Variants in PNPT1 observed in about 807,000 individuals in gnomAD.
PNPT1 encodes polyribonucleotide nucleotidyltransferase 1, mitochondrial.
In PNPT1, 53 loss-of-function variants were observed where a neutral mutation model predicts 119.5. The ratio of observed to expected loss-of-function variants is 0.44; its 90% CI spans 0.36 to 0.56. The LOEUF (loss-of-function observed/expected upper bound fraction) is 0.56. Ranked by LOEUF, PNPT1 falls within the 20% of genes least tolerant of loss-of-function variation. The pLI is 0.00. For synonymous variants in PNPT1, 357 were observed against 322.1 expected (o/e 1.11, Z -1.16); for missense variants, 948 against 938.5 (o/e 1.01, Z -0.13).
At chr2:55,639,326 A>G (rs1695772998) in intron 26 of PNPT1, among the ~76,000 whole-genome samples, 1 of 152,180 alleles carries the variant, frequency 6.6e-6, no homozygotes, top group Admixed American at 6.5e-5. Flanking sequence ...CAAATCATGA[A>G]TTCATCTACT....
At position 55,687,673 on chromosome 2, in the gene PNPT1, C is replaced by A. The variant is rs1381025165; in HGVS notation, c.194G>T (p.Arg65Ile). 1 of 1,600,242 alleles carries A rather than the reference C, an allele frequency of 6.2e-7. No individual in the cohort carries two copies. The highest frequency in any genetic ancestry group is 8.5e-7 in the Non-Finnish European group (1 of 1,175,616). Residue 65 changes from arginine (R) to isoleucine (I), a missense_variant, in exon 2 of 28, where the codon AGA becomes ATA. Transcript: ENST00000447944. Reference protein sequence around the residue: ...KLEISSGKLARFADGSAVVQS... With the variant: ...KLEISSGKLAIFADGSAVVQS... ...TACTACAGCAGAGCCATCTGCAAAT[C>A]TGGCCAGCTTTCCAGAAGATATTTC...
At chr2:55,657,267 T>G (rs1696414901) in intron 15 of PNPT1, among the ~76,000 whole-genome samples, 1 of 151,686 alleles carries the variant, frequency 6.6e-6, no homozygotes. Context: ...AGGTGGAGGT[T>G]GCAGTAAGCC....
intron 15 of PNPT1, among the ~76,000 whole-genome samples, chr2:55,658,293 T>G (rs1402983863): frequency 6.6e-6 from 1 of 151,924 alleles, no homozygotes; most frequent in Non-Finnish European, 1.5e-5. Flanking sequence ...AAAACTAAAC[T>G]ATAGTATCTA....
At chr2:55,678,172 G>A (rs920205242) in intron 8 of PNPT1, among the ~76,000 whole-genome samples, 3 of 152,082 alleles carry the variant, frequency 2.0e-5, no homozygotes, top group Non-Finnish European at 2.9e-5. Context: ...TACTAACAGC[G>A]AATAAACAAA....
chr2:55,663,581 C>A (rs1696646821), intron 13 of PNPT1, among the ~76,000 whole-genome samples: 1 of 151,908 alleles, frequency 6.6e-6, no homozygotes, highest in Non-Finnish European at 1.5e-5. Flanking sequence ...TGCTGAAAAC[C>A]AAAGATGAGG....
chr2:55,680,209 T>C (rs570966215), intron 7 of PNPT1, among the ~76,000 whole-genome samples: 5 of 152,330 alleles, frequency 3.3e-5, no homozygotes, highest in Admixed American at 2.6e-4. Flanking sequence ...TATGTCTTTA[T>C]AATAACACTG....
intron 8 of PNPT1, among the ~76,000 whole-genome samples, chr2:55,673,950 T>G (rs964289251): frequency 1.3e-5 from 2 of 151,532 alleles, no homozygotes; most frequent in Admixed American, 6.6e-5. Flanking sequence ...CTCGAACTCC[T>G]GACCTCAGGT....
rs557944752 is a variant in PNPT1 at position 55,686,128 on chromosome 2, C to G, written c.297+242G>C. 1.3e-4 allele frequency among the ~76,000 whole-genome samples: 19 copies of G among 150,560 alleles called. No individual in the cohort carries two copies. The South Asian group carries it at 3.4e-3, about 27-fold the overall frequency. The stretch of plus-strand genomic sequence containing the variant: ...CTTATTCAATGTCAAAGTACTCATG[C>G]ACTTCCAATCTTCTTGTCAACTTAC... On this transcript the variant is annotated intron_variant, in intron 3 of 27. Transcript: ENST00000447944.
intron 18 of PNPT1, among the ~76,000 whole-genome samples, chr2:55,653,179 C>CT (rs1447668026): frequency 9.2e-5 from 14 of 152,232 alleles, no homozygotes; most frequent in Admixed American, 7.8e-4. Flanking sequence ...ATAAACCATT[C>CT]TTTTTTTAAG....
intron 14 of PNPT1, 104 bp downstream of exon 14, chr2:55,661,850 AAC>A: frequency 2.7e-6 from 3 of 1,099,344 alleles, no homozygotes; most frequent in Non-Finnish European, 3.7e-6. Context: ...GAAGTACAAA[AAC>A]ACAGGTTAAA....
chr2:55,649,894 T>G lies in PNPT1; in HGVS notation c.1496-2441A>C, dbSNP rs889340337. On this transcript the variant is annotated intron_variant, in intron 18 of 27. Coordinates refer to ENST00000447944, the MANE Select transcript of PNPT1 (RefSeq NM_033109.5). ...TAGAACAGAATAAACTTTTTCATGG[T>G]ATACAATAATCAATGTCCTGTGGAA... Among the ~76,000 whole-genome samples, 34 of 152,336 alleles carry G rather than the reference T, an allele frequency of 2.2e-4. 1 individual carries two copies. The highest frequency in any genetic ancestry group is 6.7e-4 in the African/African-American group (28 of 41,568).
At chr2:55,676,679 T>C (rs1417067348) in intron 8 of PNPT1, among the ~76,000 whole-genome samples, 1 of 152,010 alleles carries the variant, frequency 6.6e-6, no homozygotes, top group African/African-American at 2.4e-5. Flanking sequence ...CTGACAAACA[T>C]GGTGAAACCC....
chr2:55,650,376 T>C (rs1024860988), intron 18 of PNPT1, among the ~76,000 whole-genome samples: 1 of 152,144 alleles, frequency 6.6e-6, no homozygotes, highest in Non-Finnish European at 1.5e-5. Context: ...AGCTCCTAAC[T>C]GCGAGTGATC....
intron 3 of PNPT1, 40 bp downstream of exon 3, chr2:55,686,330 C>A: frequency 6.5e-7 from 1 of 1,544,282 alleles, no homozygotes; most frequent in Non-Finnish European, 8.9e-7. Flanking sequence ...ACACTTTACT[C>A]AGACCATATT....
intron 8 of PNPT1, 74 bp from the exon 9 acceptor site, chr2:55,673,153 G>C (rs1696966912): frequency 8.7e-7 from 1 of 1,144,240 alleles, no homozygotes; most frequent in Admixed American, 2.8e-5. Context: ...CAAATACCAT[G>C]ACATGACATA....
At chr2:55,645,610 TAG>T (rs1313742508) in intron 21 of PNPT1, among the ~76,000 whole-genome samples, 178 bp from the exon 22 acceptor site, 4 of 152,228 alleles carry the variant, frequency 2.6e-5, no homozygotes, top group South Asian at 2.1e-4. Context: ...CCATCTTAAA[TAG>T]AGTTGTTTAA....
chr2:55,689,834 T>G (rs1432091606), intron 1 of PNPT1, among the ~76,000 whole-genome samples: 2 of 152,208 alleles, frequency 1.3e-5, no homozygotes, highest in Admixed American at 1.3e-4. Context: ...TGTATTTACT[T>G]ATTTTGAGAT....
chr2:55,686,078 A>T (rs928476758), intron 3 of PNPT1, among the ~76,000 whole-genome samples: 2 of 152,188 alleles, frequency 1.3e-5, no homozygotes, highest in African/African-American at 4.8e-5. Context: ...ACTGAAGGGA[A>T]ACTATGAGGG....
rs955345070 is a variant in PNPT1 at position 55,645,395 on chromosome 2, A to C, written c.1776T>G (p.Thr592=). 1 of 1,612,442 alleles carries C rather than the reference A, an allele frequency of 6.2e-7. No homozygotes were observed. Among genetic ancestry groups the C allele is most frequent in the Non-Finnish European group, 8.5e-7 (1 of 1,178,712 alleles). Residue 592 remains threonine (T), a synonymous_variant, in exon 22 of 28, where the codon ACT becomes ACG. Coordinates refer to ENST00000447944, the MANE Select transcript of PNPT1 (RefSeq NM_033109.5). ...TTCTAGATGCTCGAGGTTTTGAAAT[A>C]GTTTTGTTCATGATCTGTAATATCT... ...KKEILQIMNK[T]ISKPRASRKE...
Sources: allele counts gnomAD v4.1 joint callset (sites outside exome capture counted in the v4.1 genomes callset), GRCh38; gene constraint gnomAD v4.1.1; transcripts MANE v1.5; gene names NCBI Gene and HGNC (gene_info 2026-07-23, HGNC 2026-07-21).